Variants in SFTPD observed in about 807,000 individuals in gnomAD.
SFTPD encodes the protein surfactant protein D.
SFTPD carries 18 observed loss-of-function variants against 34.6 expected under a neutral mutation model. The ratio of observed to expected loss-of-function variants is 0.52; its 90% CI spans 0.36 to 0.77. The LOEUF (loss-of-function observed/expected upper bound fraction) is 0.77. Among genes scored for constraint, SFTPD ranks in the 30% least tolerant of loss-of-function variants. SFTPD has a pLI of 0.00. For synonymous variants in SFTPD, 155 were observed against 180.9 expected, an observed-to-expected ratio of 0.86 and a Z score of 1.15; for missense variants, 433 against 468.9, an observed-to-expected ratio of 0.92 and a Z score of 0.71.
intron 1 of SFTPD, among the ~76,000 whole-genome samples, chr10:79,959,117 C>G: frequency 6.7e-6 from 1 of 150,008 alleles, no homozygotes; most frequent in Non-Finnish European, 1.5e-5. Context: ...ACACAACATA[C>G]CAGAATCTCT....
Position 79,938,049 on chromosome 10 carries a change from C to G in SFTPD, c.931G>C (p.Ala311Pro). ...QQLVVAKNEA[A>P]FLSMTDSKTE... ...TTGGAATCAGTCATGCTCAGGAAAG[C>G]AGCCTCGTTCTTAGCTACGACCAGC... The change falls in exon 8 of 8, where the codon GCT becomes CCT. Residue 311 changes from alanine to proline, a missense_variant. By Grantham distance (27) the Ala-to-Pro change is conservative. Transcript: ENST00000372292. 1 of 1,614,132 alleles carries G rather than the reference C, an allele frequency of 6.2e-7. No individual in the cohort carries two copies. Among genetic ancestry groups the G allele is most frequent in the South Asian group, 1.1e-5 (1 of 91,084 alleles).
intron 1 of SFTPD, among the ~76,000 whole-genome samples, chr10:79,955,527 C>T (rs1233837943): frequency 6.6e-6 from 1 of 152,144 alleles, no homozygotes; most frequent in Non-Finnish European, 1.5e-5. Flanking sequence ...ATAGTCTAAA[C>T]CTGTAATCCT....
At chr10:79,947,618 A>G (rs1243816118) in intron 1 of SFTPD, among the ~76,000 whole-genome samples, 1 of 152,078 alleles carries the variant, frequency 6.6e-6, no homozygotes, top group Non-Finnish European at 1.5e-5. Context: ...TGAACCCGGG[A>G]GGTGGAGGGT....
chr10:79,961,537 G>GA (rs1346411568), intron 1 of SFTPD, among the ~76,000 whole-genome samples: 4 of 152,172 alleles, frequency 2.6e-5, no homozygotes, highest in Non-Finnish European at 4.4e-5. Flanking sequence ...ACAAACACAT[G>GA]AAAAAATGCT....
intron 1 of SFTPD, among the ~76,000 whole-genome samples, chr10:79,958,902 C>G (rs1201881895): frequency 2.0e-5 from 3 of 151,986 alleles, no homozygotes; most frequent in Non-Finnish European, 2.9e-5. Context: ...AAGTAAAGCT[C>G]TCCTCAGCAA....
At chr10:79,962,232 A>G (rs933713548) in intron 1 of SFTPD, among the ~76,000 whole-genome samples, 1 of 151,344 alleles carries the variant, frequency 6.6e-6, no homozygotes, top group Non-Finnish European at 1.5e-5. Context: ...CCAACATGGC[A>G]CATGTATACA....
intron 1 of SFTPD, among the ~76,000 whole-genome samples, chr10:79,962,577 T>C (rs928612544): frequency 3.3e-5 from 5 of 152,118 alleles, no homozygotes; most frequent in Admixed American, 6.5e-5. Context: ...CATTCACCTG[T>C]CTTATGTTTT....
chr10:79,946,989 G>A (rs983413502), intron 1 of SFTPD, among the ~76,000 whole-genome samples: 1 of 152,206 alleles, frequency 6.6e-6, no homozygotes, highest in Non-Finnish European at 1.5e-5. Flanking sequence ...CCTCACTGGG[G>A]CCATCTGTCA....
At chr10:79,944,864 C>T (rs922365049) in intron 2 of SFTPD, among the ~76,000 whole-genome samples, 18 of 152,082 alleles carry the variant, frequency 1.2e-4, no homozygotes, top group Admixed American at 1.2e-3. Flanking sequence ...TTCTTTCAAG[C>T]CCCAATTTTC....
upstream of SFTPD, among the ~76,000 whole-genome samples, chr10:79,949,305 C>G (rs543574650): frequency 6.6e-6 from 1 of 152,226 alleles, no homozygotes; most frequent in South Asian, 2.1e-4. Flanking sequence ...AGAACACTAT[C>G]AGGCCTTGAA....
chr10:79,953,425 T>TC (rs1842722285), upstream of SFTPD, among the ~76,000 whole-genome samples: 1 of 110,456 alleles, frequency 9.1e-6, no homozygotes, highest in South Asian at 4.3e-4. Flanking sequence ...CAGGTGGGTT[T>TC]TTTTTTTTTT....
At chr10:79,981,152 G>A (rs1315522021) in intron 1 of SFTPD, among the ~76,000 whole-genome samples, 1 of 152,090 alleles carries the variant, frequency 6.6e-6, no homozygotes, top group Non-Finnish European at 1.5e-5. Flanking sequence ...AAAGAATCGA[G>A]CAGAGATTCT....
intron 1 of SFTPD, among the ~76,000 whole-genome samples, chr10:79,980,636 T>C (rs1842885190): frequency 6.6e-6 from 1 of 152,206 alleles, no homozygotes; most frequent in Admixed American, 6.5e-5. Context: ...AGACTTTGTC[T>C]GTTTGGGAGA....
chr10:79,974,019 CACAG>C (rs539424235), intron 1 of SFTPD, among the ~76,000 whole-genome samples: 38 of 151,052 alleles, frequency 2.5e-4, no homozygotes, highest in Admixed American at 1.7e-3. Flanking sequence ...CTGTGTGTTT[CACAG>C]ACAGACAGAC....
intron 1 of SFTPD, among the ~76,000 whole-genome samples, chr10:79,961,890 A>G (rs1300563314): frequency 6.6e-6 from 1 of 151,590 alleles, no homozygotes; most frequent in African/African-American, 2.4e-5. Flanking sequence ...ACTTGGAACC[A>G]ACCCAAATGT....
At chr10:79,979,153 AAAAT>A (rs1842877870) in intron 1 of SFTPD, among the ~76,000 whole-genome samples, 1 of 152,178 alleles carries the variant, frequency 6.6e-6, no homozygotes, top group Non-Finnish European at 1.5e-5. Flanking sequence ...CAGAAAATAA[AAAAT>A]AAATAAAATA....
chr10:79,942,709 C>T, intron 3 of SFTPD, 54 bp downstream of exon 3: 1 of 1,266,318 alleles, frequency 7.9e-7, no homozygotes, highest in Non-Finnish European at 1.2e-6. Context: ...CTGGCATATC[C>T]TTGCAGCTGC....
rs556001342 is a variant in SFTPD at position 79,955,737 on chromosome 10, T to G, written c.37-9075A>C. Among the ~76,000 whole-genome samples the G allele has an allele frequency of 6.6e-5, 10 of 152,338 alleles. No homozygotes were observed. The South Asian group carries it at 1.9e-3, about 28-fold the overall frequency. On this transcript the variant is annotated intron_variant, in intron 1 of 5. Transcript: ENST00000444384. ...AAGTGAGAGTGCTTGAAACTACCTT[T>G]TTGGATGAGAATTCTAGGCACTTTA...
intron 1 of SFTPD, among the ~76,000 whole-genome samples, chr10:79,963,357 A>AAG (rs1842786177): frequency 6.6e-6 from 1 of 152,014 alleles, no homozygotes; most frequent in African/African-American, 2.4e-5. Flanking sequence ...TTAAAAAAAA[A>AAG]AAAAAAACTA....
Sources: gnomAD v4.1 joint callset for allele counts (sites outside exome capture counted in the v4.1 genomes callset) on GRCh38, gnomAD v4.1.1 for gene constraint, MANE v1.5 for transcripts, NCBI Gene and HGNC (gene_info 2026-07-23, HGNC 2026-07-21) for gene names.